Variants in CDH8 observed in about 807,000 individuals in gnomAD.
The protein encoded by CDH8 is cadherin 8.
CDH8 carries 17 observed loss-of-function variants against 68.1 expected under a neutral mutation model. The ratio of observed to expected loss-of-function variants is 0.25; its 90% CI spans 0.17 to 0.37. The LOEUF is 0.37. CDH8 is among the 10% of genes least tolerant of loss of function. CDH8 has a pLI of 1.00. For synonymous variants in CDH8, 372 were observed against 365.1 expected, an observed-to-expected ratio of 1.02 and a Z score of -0.21; for missense variants, 763 against 999.3, an observed-to-expected ratio of 0.76 and a Z score of 3.19.
At chr16:61,860,472 C>T (rs1188970637) in intron 3 of CDH8, among the ~76,000 whole-genome samples, 1 of 151,764 alleles carries the variant, frequency 6.6e-6, no homozygotes, top group Non-Finnish European at 1.5e-5. Flanking sequence ...CCAGAGTTAC[C>T]GAAAGAACTA....
At chr16:61,759,935 G>T (rs577623934) in intron 8 of CDH8, among the ~76,000 whole-genome samples, 3 of 152,162 alleles carry the variant, frequency 2.0e-5, no homozygotes, top group African/African-American at 7.2e-5. Flanking sequence ...GAAAATGGCA[G>T]GTTTGACTCT....
intron 8 of CDH8, among the ~76,000 whole-genome samples, chr16:61,763,914 A>C (rs574555770): frequency 6.6e-6 from 1 of 152,292 alleles, no homozygotes; most frequent in South Asian, 2.1e-4. Flanking sequence ...CAAGGCATAC[A>C]TTCATTAATA....
intron 5 of CDH8, among the ~76,000 whole-genome samples, chr16:61,824,266 A>C (rs1440822407): frequency 6.6e-6 from 1 of 151,792 alleles, no homozygotes; most frequent in African/African-American, 2.4e-5. Context: ...GCTTTTAAAC[A>C]TCCTTTTAAG....
chr16:61,667,776 G>C (rs1267218393), intron 10 of CDH8: 1 of 152,004 alleles, frequency 6.6e-6, no homozygotes, highest in Non-Finnish European at 1.5e-5. Context: ...ATATATTTAT[G>C]ATTTACTGAG....
chr16:61,748,824 T>C (rs139852113), intron 8 of CDH8, among the ~76,000 whole-genome samples: 1 of 152,160 alleles, frequency 6.6e-6, no homozygotes, highest in East Asian at 1.9e-4. Context: ...CCTCCTTCTT[T>C]GTGAATGCAG....
intron 4 of CDH8, among the ~76,000 whole-genome samples, chr16:61,851,638 G>A (rs886953763): frequency 8.0e-5 from 12 of 150,884 alleles, no homozygotes; most frequent in Non-Finnish European, 3.0e-5. Flanking sequence ...TATGGTATTG[G>A]GGGTGGCAGG....
At chr16:61,976,876 T>C (rs2150580208) in intron 2 of CDH8, among the ~76,000 whole-genome samples, 1 of 152,294 alleles carries the variant, frequency 6.6e-6, no homozygotes, top group South Asian at 2.1e-4. Context: ...CATTGGGGAA[T>C]TCATCAGCAA....
At chr16:61,822,205 CTTTTTTTTTTTTTTTTTTTTT>C (rs71707137) in intron 5 of CDH8, among the ~76,000 whole-genome samples, 87 of 45,644 alleles carry the variant, frequency 1.9e-3, no homozygotes, top group African/African-American at 6.1e-3. Flanking sequence ...AAAAACGCAC[CTTTTTTTTTTTTTTTTTTTTT>C]TTTTTTTTTT....
intron 7 of CDH8, among the ~76,000 whole-genome samples, chr16:61,811,247 ATGAG>A (rs952593693): frequency 1.3e-5 from 2 of 152,188 alleles, no homozygotes; most frequent in African/African-American, 4.8e-5. Context: ...GAATGAATGA[ATGAG>A]TTTCTGAATA....
intron 10 of CDH8, among the ~76,000 whole-genome samples, chr16:61,661,440 T>C (rs1963555560): frequency 6.6e-6 from 1 of 151,820 alleles, no homozygotes; most frequent in Non-Finnish European, 1.5e-5. Context: ...AGGAAGAAAT[T>C]TGGGACACTC....
At chr16:61,838,906 G>T (rs4555152) in intron 4 of CDH8, among the ~76,000 whole-genome samples, 28,675 of 151,894 alleles carry the variant, frequency 0.19, 2,889 homozygotes, top group African/African-American at 0.26. Context: ...CTAATCTTTT[G>T]TCACTAAAAT....
intron 2 of CDH8, among the ~76,000 whole-genome samples, chr16:61,921,743 G>A (rs1348333748): frequency 1.3e-5 from 2 of 152,178 alleles, no homozygotes; most frequent in Admixed American, 6.5e-5. Flanking sequence ...GGATTTTGAG[G>A]TCATGGGGGC....
At chr16:61,720,132 A>C (rs1307764674) in intron 9 of CDH8, among the ~76,000 whole-genome samples, 2 of 150,896 alleles carry the variant, frequency 1.3e-5, no homozygotes, top group Middle Eastern at 3.2e-3. Context: ...AGATTGGAAG[A>C]CTTTCTCAGC....
At chr16:61,791,325 A>T (rs1358572309) in intron 7 of CDH8, among the ~76,000 whole-genome samples, 2 of 151,990 alleles carry the variant, frequency 1.3e-5, no homozygotes, top group Non-Finnish European at 2.9e-5. Flanking sequence ...GTTTCAATGT[A>T]TTGTATTATG....
At chr16:61,914,532 A>T (rs1304293939) in intron 2 of CDH8, among the ~76,000 whole-genome samples, 1 of 152,062 alleles carries the variant, frequency 6.6e-6, no homozygotes, top group African/African-American at 2.4e-5. Flanking sequence ...AAGTAAAACC[A>T]ATCTAATCAC....
chr16:61,759,361 AGAG>A (rs910925428), intron 8 of CDH8, among the ~76,000 whole-genome samples: 12 of 151,898 alleles, frequency 7.9e-5, no homozygotes, highest in Admixed American at 2.0e-4. Flanking sequence ...AGAAGGAGGA[AGAG>A]GAGGAGGAGG....
In CDH8 at chr16:61,828,958, C is replaced by T. The variant is rs1008073035; in HGVS notation, c.668-3779G>A. On this transcript the variant is annotated intron_variant, in intron 4 of 11. Coordinates refer to ENST00000577390, the MANE Select transcript of CDH8 (RefSeq NM_001796.5). ...CCTTCCCCAACGTGACTTTTTAATG[C>T]TTATGTTGATGGTGGCTAGAGTACA... is the stretch of plus-strand genomic sequence containing the variant. Among the ~76,000 whole-genome samples, 3 of 151,964 alleles carry T rather than the reference C, an allele frequency of 2.0e-5. No homozygotes were observed. In the East Asian group the frequency reaches 5.9e-4, roughly 30 times the overall value.
intron 10 of CDH8, among the ~76,000 whole-genome samples, chr16:61,711,065 A>C (rs1038003364): frequency 1.3e-5 from 2 of 151,910 alleles, no homozygotes; most frequent in Admixed American, 1.3e-4. Context: ...CTTTACTTCT[A>C]TCTTTATTTA....
chr16:61,735,162 C>T (rs1232728437), intron 8 of CDH8, among the ~76,000 whole-genome samples: 4 of 151,838 alleles, frequency 2.6e-5, no homozygotes, highest in Non-Finnish European at 5.9e-5. Flanking sequence ...TAGAATAATC[C>T]CATCCCAAGA....
Sources: allele counts gnomAD v4.1 joint callset (sites outside exome capture counted in the v4.1 genomes callset), GRCh38; gene constraint gnomAD v4.1.1; transcripts MANE v1.5; gene names NCBI Gene and HGNC (gene_info 2026-07-23, HGNC 2026-07-21).